The following HTR2C variants were observed in gnomAD, a reference collection of about 807,000 sequenced individuals.
HTR2C encodes the protein 5-hydroxytryptamine (serotonin) receptor 2C, G protein-coupled.
HTR2C carries 5 observed loss-of-function variants against 21.0 expected under a neutral mutation model. The observed-to-expected ratio is 0.24, with a 90% CI of 0.12 to 0.50. HTR2C has a LOEUF of 0.50. Ranked by LOEUF, HTR2C falls within the 20% of genes least tolerant of loss-of-function variation. The probability of loss-of-function intolerance (pLI) is 0.98; values close to 1 mark genes in which losing one functional copy is unlikely to be tolerated. For synonymous variants in HTR2C, 150 were observed against 145.3 expected, an observed-to-expected ratio of 1.03 and a Z score of -0.23; for missense variants, 271 against 371.2, an observed-to-expected ratio of 0.73 and a Z score of 2.22.
At chrX:114,830,822 A>T (rs1439068407) in intron 4 of HTR2C, among the ~76,000 whole-genome samples, 2 of 65,272 alleles carry the variant, frequency 3.1e-5, no homozygotes, top group African/African-American at 9.7e-5. Flanking sequence ...CATTAGGTAT[A>T]TCTCCCAATG....
Position 114,841,211 on chromosome X carries a change from G to A in HTR2C, c.350-6792G>A, listed in dbSNP as rs782436800. Among the ~76,000 whole-genome samples the A allele has an allele frequency of 1.3e-4, 15 of 111,994 alleles. No homozygotes were observed. The East Asian group carries it at 3.9e-3, about 29-fold the overall frequency. ...TAAGGTTGCATAGGAGAAGAGCCCA[G>A]TATCTAAGATAATTCTCACTAACAA... On this transcript the variant is annotated intron_variant, in intron 4 of 5. Transcript: ENST00000276198.
intron 2 of HTR2C, among the ~76,000 whole-genome samples, chrX:114,625,111 A>G (rs1262953154): frequency 9.0e-6 from 1 of 111,596 alleles, no homozygotes; most frequent in African/African-American, 3.3e-5. Flanking sequence ...TGGTTGTTCA[A>G]AAGAGCCTGT....
chrX:114,892,274 C>T (rs1284454611), intron 5 of HTR2C, among the ~76,000 whole-genome samples: 1 of 111,772 alleles, frequency 8.9e-6, no homozygotes, highest in Admixed American at 9.6e-5. Flanking sequence ...AAATGTTTGA[C>T]CGAATTCACC....
chrX:114,743,442 G>A (rs1194014625), intron 4 of HTR2C, among the ~76,000 whole-genome samples: 1 of 111,953 alleles, frequency 8.9e-6, no homozygotes, highest in Non-Finnish European at 1.9e-5. Context: ...ATTAAAAATT[G>A]AAAATTTTAG....
intron 2 of HTR2C, among the ~76,000 whole-genome samples, chrX:114,614,129 C>T (rs191334814): frequency 4.5e-5 from 5 of 110,420 alleles, no homozygotes; most frequent in South Asian, 7.8e-4. Context: ...GACCCCTTAC[C>T]GAACTGTTAA....
intron 2 of HTR2C, among the ~76,000 whole-genome samples, chrX:114,642,734 T>A (rs1259458551): frequency 8.9e-6 from 1 of 111,869 alleles, no homozygotes; most frequent in Non-Finnish European, 1.9e-5. Context: ...TTCTAGCTTC[T>A]GAGTTTGTTT....
chrX:114,694,492 T>TACACAC (rs1342052056), intron 2 of HTR2C, among the ~76,000 whole-genome samples: 59 of 16,915 alleles, frequency 3.5e-3, no homozygotes, highest in African/African-American at 9.7e-3. Flanking sequence ...TATATATATA[T>TACACAC]ACACACACAG....
chrX:114,824,723 C>T (rs2070663910), intron 4 of HTR2C, among the ~76,000 whole-genome samples: 1 of 112,260 alleles, frequency 8.9e-6, no homozygotes, highest in Non-Finnish European at 1.9e-5. Context: ...TGGCATTCTT[C>T]ACAGTGGATG....
intron 1 of HTR2C, among the ~76,000 whole-genome samples, chrX:114,606,131 G>A (rs1404403537): frequency 9.0e-6 from 1 of 110,810 alleles, no homozygotes; most frequent in African/African-American, 3.3e-5. Context: ...TAAGGGATTG[G>A]GGGTTCTTGC....
chrX:114,827,416 T>G (rs1556458915), intron 4 of HTR2C, among the ~76,000 whole-genome samples: 1 of 111,555 alleles, frequency 9.0e-6, no homozygotes, highest in East Asian at 2.8e-4. Flanking sequence ...TACATCTACA[T>G]GCATTGAGAA....
chrX:114,901,875 A>G (rs1050072820), intron 5 of HTR2C, among the ~76,000 whole-genome samples: 2 of 111,034 alleles, frequency 1.8e-5, no homozygotes, highest in Non-Finnish European at 3.8e-5. Flanking sequence ...TTTTGTCTGG[A>G]TTGAATAAAA....
intron 5 of HTR2C, among the ~76,000 whole-genome samples, chrX:114,897,886 T>C (rs1205847087): frequency 8.9e-6 from 1 of 112,631 alleles, no homozygotes; most frequent in Non-Finnish European, 1.9e-5. Context: ...TGTATCTTTA[T>C]AACAGAATAA....
chrX:114,865,932 C>T (rs1185272254), intron 5 of HTR2C, among the ~76,000 whole-genome samples: 1 of 111,208 alleles, frequency 9.0e-6, no homozygotes, highest in African/African-American at 3.3e-5. Context: ...TCTCCTGCCT[C>T]AGCCTCCTGA....
At chrX:114,867,463 T>A (rs968675880) in intron 5 of HTR2C, among the ~76,000 whole-genome samples, 3 of 111,313 alleles carry the variant, frequency 2.7e-5, no homozygotes, top group Admixed American at 9.6e-5. Flanking sequence ...GGTTGTTTCT[T>A]CACTTTGTTG....
chrX:114,693,212 G>A (rs1556415344), intron 2 of HTR2C, among the ~76,000 whole-genome samples: 1 of 111,470 alleles, frequency 9.0e-6, no homozygotes, highest in African/African-American at 3.3e-5. Context: ...GGAAGGGATA[G>A]AGAAAGGAAA....
At chrX:114,818,654 A>G (rs2070605818) in intron 4 of HTR2C, among the ~76,000 whole-genome samples, 1 of 111,567 alleles carries the variant, frequency 9.0e-6, no homozygotes, top group Non-Finnish European at 1.9e-5. Context: ...AGGTCAGCTA[A>G]CCACAGCCCA....
At chrX:114,715,357 C>T (rs782766430) in intron 2 of HTR2C, 4 of 378,923 alleles carry the variant, frequency 1.1e-5, no homozygotes, top group Admixed American at 2.6e-5. Context: ...TGGAACCCTC[C>T]ACAACCAGAA....
At chrX:114,644,384 T>C (rs868989325) in intron 2 of HTR2C, among the ~76,000 whole-genome samples, 4 of 78,074 alleles carry the variant, frequency 5.1e-5, no homozygotes, top group African/African-American at 2.0e-4. Flanking sequence ...TATATATATA[T>C]ATATATATAT....
In HTR2C at chrX:114,869,637, A is replaced by G. The variant is rs146934095; in HGVS notation, c.550+21434A>G. 5.6e-3 allele frequency among the ~76,000 whole-genome samples: 625 copies of G among 111,807 alleles called. 1 individual carries two copies. Among genetic ancestry groups the G allele is most frequent in the African/African-American group, 0.019 (584 of 30,746 alleles). ...GCATAATTTGACTTATTTCTTTCCA[A>G]TTTGGATGTCCTTTATATCTTTCTC... On this transcript the variant is annotated intron_variant, in intron 5 of 5. Coordinates refer to ENST00000276198, the MANE Select transcript of HTR2C (RefSeq NM_000868.4).
Sources: allele counts gnomAD v4.1 joint callset (sites outside exome capture counted in the v4.1 genomes callset), GRCh38; gene constraint gnomAD v4.1.1; transcripts MANE v1.5; gene names NCBI Gene and HGNC (gene_info 2026-07-23, HGNC 2026-07-21).